The following MICAL2 variants were observed in gnomAD, a reference collection of about 807,000 sequenced individuals.
MICAL2 encodes the protein [F-actin]-monooxygenase MICAL2.
Under a neutral mutation model 127.3 loss-of-function variants are expected in MICAL2, and 77 were observed. The ratio of observed to expected loss-of-function variants is 0.60; its 90% CI spans 0.50 to 0.73. MICAL2 has a LOEUF of 0.73. MICAL2 is among the 30% of genes least tolerant of loss of function. The pLI is 0.00. For synonymous variants in MICAL2, 570 were observed against 551.1 expected (o/e 1.03, Z -0.48); for missense variants, 1,351 against 1,434.4 (o/e 0.94, Z 0.94).
At chr11:12,178,196 G>A (rs1240244284) in intron 3 of MICAL2, among the ~76,000 whole-genome samples, 1 of 152,178 alleles carries the variant, frequency 6.6e-6, no homozygotes, top group Non-Finnish European at 1.5e-5. Context: ...TCTTCCACTA[G>A]CTGAACACGT....
At chr11:12,217,447 G>C (rs1482931321) in intron 8 of MICAL2, among the ~76,000 whole-genome samples, 7 of 152,182 alleles carry the variant, frequency 4.6e-5, no homozygotes, top group Non-Finnish European at 8.8e-5. Context: ...CAGCAGATGG[G>C]TGGGCGATGG....
rs776986506 is a variant in MICAL2, at chr11:12,220,305, G to A, written c.1053G>A (p.Leu351=). Residue 351 remains leucine (L), a synonymous_variant, in exon 9 of 28, where the codon CTG becomes CTA. Transcript: ENST00000683283. The part of the protein sequence containing the change: ...EAADFATNYQ[L]PSLDFAMNHY... Reference sequence around the variant, plus strand: ...CAGACTTTGCCACCAACTACCAGCTGCCATCCTTAGACTTTGCCATGAACC... The same window carrying A: ...CAGACTTTGCCACCAACTACCAGCTACCATCCTTAGACTTTGCCATGAACC... 1.2e-6 allele frequency: 2 copies of A among 1,614,218 alleles called. No individual in the cohort carries two copies. Among genetic ancestry groups the A allele is most frequent in the Non-Finnish European group, 8.5e-7 (1 of 1,180,040 alleles).
intron 1 of MICAL2, among the ~76,000 whole-genome samples, chr11:12,278,078 G>A (rs1299816023): frequency 6.6e-6 from 1 of 151,368 alleles, no homozygotes; most frequent in Non-Finnish European, 1.5e-5. Context: ...GTTGCTCTGG[G>A]TGAGTGAGTG....
chr11:12,137,833 T>C (rs1251093569), intron 1 of MICAL2, among the ~76,000 whole-genome samples: 1 of 152,176 alleles, frequency 6.6e-6, no homozygotes, highest in African/African-American at 2.4e-5. Flanking sequence ...GTAGAGGCAT[T>C]TTCTGCAGAA....
Position 12,116,815 on chromosome 11 carries a change from A to C in MICAL2, c.-149+6089A>C, listed in dbSNP as rs1318710283. ...CTTTTGTGATGACCATGTATGGAAT[A>C]GTGTCTGAAGTACCACTGCACTGTA... is the stretch of plus-strand genomic sequence containing the variant. On this transcript the variant is annotated intron_variant, in intron 1 of 27. Transcript: ENST00000683283. 7 of 152,218 alleles carry C rather than the reference A, an allele frequency of 4.6e-5. No individual in the cohort carries two copies. In the East Asian group the frequency reaches 1.3e-3, roughly 29 times the overall value. The allele number at this position is 152,218 out of a possible 1,614,324, so 9.4% of individuals were successfully genotyped here. A position where few individuals can be genotyped will look rare whatever the true frequency, so the allele number is the denominator to read the frequency against.
intron 32 of MICAL2, among the ~76,000 whole-genome samples, chr11:12,344,220 G>A (rs939573180): frequency 1.2e-4 from 18 of 151,922 alleles, no homozygotes; most frequent in African/African-American, 3.6e-4. Flanking sequence ...CTCTTGAACC[G>A]GGGAGGCAGA....
At chr11:12,323,656 C>G (rs1325126862) in intron 30 of MICAL2, among the ~76,000 whole-genome samples, 1 of 152,152 alleles carries the variant, frequency 6.6e-6, no homozygotes, top group Non-Finnish European at 1.5e-5. Flanking sequence ...GCTTCCCAAT[C>G]CAGAACCTAC....
At chr11:12,250,465 G>A (rs1363505937) in intron 22 of MICAL2, among the ~76,000 whole-genome samples, 1 of 152,216 alleles carries the variant, frequency 6.6e-6, no homozygotes, top group Non-Finnish European at 1.5e-5. Flanking sequence ...CTTTTCCTCA[G>A]CCCTGCAAGG....
At chr11:12,317,716 C>T (rs1864246628) in intron 29 of MICAL2, among the ~76,000 whole-genome samples, 2 of 151,410 alleles carry the variant, frequency 1.3e-5, no homozygotes, top group South Asian at 2.1e-4. Context: ...CACTTGAACC[C>T]GGGAGGCGGA....
chr11:12,277,443 A>C (rs1125744), intron 1 of MICAL2, among the ~76,000 whole-genome samples: 1 of 151,946 alleles, frequency 6.6e-6, no homozygotes, highest in South Asian at 2.1e-4. Context: ...TAAAGGGAAT[A>C]ATTGCAACCA....
intron 32 of MICAL2, among the ~76,000 whole-genome samples, chr11:12,332,878 A>G (rs933551288): frequency 1.8e-4 from 28 of 152,304 alleles, no homozygotes; most frequent in African/African-American, 6.7e-4. Flanking sequence ...TAAGGTTCAG[A>G]GGATGGTAGG....
intron 29 of MICAL2, among the ~76,000 whole-genome samples, chr11:12,310,601 G>A (rs1864162575): frequency 6.6e-6 from 1 of 152,062 alleles, no homozygotes; most frequent in Admixed American, 6.6e-5. Flanking sequence ...TGAAATCAAG[G>A]AATATGATGC....
chr11:12,138,991 C>T (rs988191117), intron 2 of MICAL2, among the ~76,000 whole-genome samples: 3 of 152,106 alleles, frequency 2.0e-5, no homozygotes, highest in African/African-American at 7.2e-5. Context: ...TGGTGGTAGG[C>T]TAATAAGTGC....
chr11:12,311,256 C>G (rs1240591159), intron 29 of MICAL2, among the ~76,000 whole-genome samples: 1 of 152,000 alleles, frequency 6.6e-6, no homozygotes, highest in Non-Finnish European at 1.5e-5. Flanking sequence ...TGAAATAAAC[C>G]CAGCTTGGTC....
chr11:12,255,833 C>A, intron 23 of MICAL2, 83 bp downstream of exon 23: 1 of 1,042,406 alleles, frequency 9.6e-7, no homozygotes, highest in Non-Finnish European at 1.4e-6. Flanking sequence ...CGAGAGGATG[C>A]CCTGGCCCTC....
intron 2 of MICAL2, among the ~76,000 whole-genome samples, chr11:12,156,516 G>A (rs529595443): frequency 3.3e-5 from 5 of 152,314 alleles, no homozygotes; most frequent in Admixed American, 6.5e-5. Flanking sequence ...GGAAGTGACC[G>A]AGGCCAGGCT....
intron 3 of MICAL2, among the ~76,000 whole-genome samples, chr11:12,195,558 A>G (rs187094614): frequency 7.2e-4 from 98 of 136,738 alleles, no homozygotes; most frequent in African/African-American, 2.2e-3. Flanking sequence ...TTGTAAAGCT[A>G]CTAGATTAAA....
intron 3 of MICAL2, among the ~76,000 whole-genome samples, chr11:12,182,410 T>C (rs928004984): frequency 6.6e-6 from 1 of 152,126 alleles, no homozygotes; most frequent in South Asian, 2.1e-4. Flanking sequence ...GTTTTGTGAC[T>C]GGGGGCCAAT....
chr11:12,132,068 G>A (rs1252601461), intron 1 of MICAL2, among the ~76,000 whole-genome samples: 1 of 152,156 alleles, frequency 6.6e-6, no homozygotes, highest in Admixed American at 6.5e-5. Context: ...ACAACAGACA[G>A]GCAGCAAGGC....
Sources: gnomAD v4.1 joint callset for allele counts (sites outside exome capture counted in the v4.1 genomes callset) on GRCh38, gnomAD v4.1.1 for gene constraint, MANE v1.5 for transcripts, NCBI Gene and HGNC (gene_info 2026-07-23, HGNC 2026-07-21) for gene names.